SLC39A14: variants seen among roughly 807,000 people sequenced by gnomAD.
SLC39A14 encodes metal cation symporter ZIP14.
Under a neutral mutation model 45.5 loss-of-function variants are expected in SLC39A14, and 19 were observed. The ratio of observed to expected loss-of-function variants is 0.42; its 90% confidence interval spans 0.29 to 0.61. SLC39A14 has a LOEUF of 0.61. SLC39A14 is among the 20% of genes least tolerant of loss of function. SLC39A14 has a pLI of 0.22. For missense variants in SLC39A14, 447 were observed against 616.5 expected (o/e 0.73, Z 2.91); for synonymous variants, 264 against 251.3 (o/e 1.05, Z -0.48).
intron 1 of SLC39A14, among the ~76,000 whole-genome samples, chr8:22,401,537 C>A (rs1834853238): frequency 8.0e-6 from 1 of 125,442 alleles, no homozygotes; most frequent in Non-Finnish European, 1.6e-5. Flanking sequence ...TCTTTCTCTT[C>A]TCTTTCTTTT....
chr8:22,414,949 C>T, intron 5 of SLC39A14, 47 bp downstream of exon 5: 1 of 1,597,274 alleles, frequency 6.3e-7, no homozygotes. Flanking sequence ...GGAAAACACC[C>T]ATCTCAAACA....
intron 8 of SLC39A14, among the ~76,000 whole-genome samples, chr8:22,429,160 T>C (rs1291610200): frequency 2.0e-5 from 3 of 152,066 alleles, no homozygotes; most frequent in African/African-American, 7.2e-5. Context: ...TGGTCCCAGC[T>C]ACTCGGGAGG....
chr8:22,430,883 G>C (rs749618785), intron 8 of SLC39A14, among the ~76,000 whole-genome samples: 1 of 152,062 alleles, frequency 6.6e-6, no homozygotes, highest in African/African-American at 2.4e-5. Context: ...ATGTTGGCCA[G>C]GCTGGTCTTT....
At position 22,375,594 on chromosome 8, in the gene SLC39A14, TC is replaced by T. The variant is rs531382423; in HGVS notation, c.-16+8188del. On this transcript the variant is annotated intron_variant, in intron 1 of 8. Coordinates refer to ENST00000381237, the MANE Select transcript of SLC39A14 (RefSeq NM_001128431.4). Reference sequence around the variant, plus strand: ...TCCGCCTCCCAGGTTCAAGCAATTCTCCTGCCTCAGCGCCCCCTAATAATAG... The same window carrying T: ...TCCGCCTCCCAGGTTCAAGCAATTCTCTGCCTCAGCGCCCCCTAATAATAG... Among the ~76,000 whole-genome samples the T allele has an allele frequency of 7.8e-4, 118 of 152,234 alleles. 1 individual carries two copies. The highest frequency in any genetic ancestry group is 1.4e-3 in the Non-Finnish European group (96 of 68,016).
intron 1 of SLC39A14, among the ~76,000 whole-genome samples, chr8:22,399,400 A>G (rs1834719182): frequency 6.6e-6 from 1 of 152,244 alleles, no homozygotes; most frequent in Admixed American, 6.5e-5. Flanking sequence ...CATGCCTGCC[A>G]AAAGGCCGGG....
chr8:22,383,490 A>G (rs1376154168), intron 1 of SLC39A14, among the ~76,000 whole-genome samples: 2 of 152,098 alleles, frequency 1.3e-5, no homozygotes, highest in Non-Finnish European at 2.9e-5. Flanking sequence ...TTATCTTGTT[A>G]TTTGAAAGAG....
chr8:22,415,694 T>G, intron 5 of SLC39A14, 75 bp from the exon 6 acceptor site: 1 of 1,422,396 alleles, frequency 7.0e-7, no homozygotes, highest in East Asian at 2.3e-5. Flanking sequence ...GTGAAGCACT[T>G]CCTTGGAGCA....
chr8:22,402,741 C>A (rs1398300978), intron 1 of SLC39A14, among the ~76,000 whole-genome samples: 2 of 147,874 alleles, frequency 1.4e-5, no homozygotes, highest in African/African-American at 5.0e-5. Context: ...TGCACTCCAG[C>A]CTGGGCAATA....
At chr8:22,415,692 C>G in intron 5 of SLC39A14, 77 bp from the exon 6 acceptor site, 1 of 1,409,472 alleles carries the variant, frequency 7.1e-7, no homozygotes. Flanking sequence ...GTGTGAAGCA[C>G]TTCCTTGGAG....
Position 22,419,869 on chromosome 8 carries a change from G to A in SLC39A14, c.*171G>A. On this transcript the variant is annotated 3_prime_UTR_variant, in exon 9 of 9. Coordinates refer to ENST00000381237, the MANE Select transcript of SLC39A14 (RefSeq NM_001128431.4). ...CCGTTTGTAAAATGCTGTATCCTAG[G>A]AATAAGCTGCCCTGGTAACCAGTCT... The A allele has an allele frequency of 7.5e-7, 1 of 1,327,522 alleles. No homozygotes were observed. The highest frequency in any genetic ancestry group is 9.6e-7 in the Non-Finnish European group (1 of 1,041,812). The allele number at this position is 1,327,522 out of a possible 1,614,324, so 82.2% of individuals were successfully genotyped here.
rs189098278 is a variant in SLC39A14 at position 22,411,926 on chromosome 8, G to A, written c.458-111G>A. ...TAATATCCACCAAACTTTTCCTTGC[G>A]ACCTCCCTATCTGCTCCACCTTCCT... On this transcript the variant is annotated intron_variant, in intron 3 of 8. Transcript: ENST00000381237. The A allele has an allele frequency of 9.7e-5, 93 of 960,118 alleles. No individual in the cohort carries two copies. In the African/African-American group the frequency reaches 1.3e-3, roughly 13 times the overall value. 59.5% of individuals were successfully genotyped at this position (960,118 alleles called of 1,614,324 possible).
At chr8:22,406,138 G>T (rs1324177868) in intron 2 of SLC39A14, among the ~76,000 whole-genome samples, 1 of 152,220 alleles carries the variant, frequency 6.6e-6, no homozygotes, top group Non-Finnish European at 1.5e-5. Context: ...TGAAAGATGA[G>T]TGCAGTGTGG....
chr8:22,370,927 T>G (rs971841720), intron 1 of SLC39A14, among the ~76,000 whole-genome samples: 2 of 152,050 alleles, frequency 1.3e-5, no homozygotes, highest in Non-Finnish European at 2.9e-5. Context: ...GTCCGCCCCA[T>G]CGACTGTCGC....
chr8:22,430,915 C>T (rs185105490), intron 8 of SLC39A14, among the ~76,000 whole-genome samples: 93 of 152,056 alleles, frequency 6.1e-4, no homozygotes, highest in South Asian at 1.2e-3. Context: ...TCAAGTAATC[C>T]GCCCATCTCG....
Position 22,417,667 on chromosome 8 carries a change from G to A in SLC39A14, c.1164G>A (p.Leu388=). ...FPHELGDFVI[L]LNAGMSIQQA... ...CTGCTGTAGGAGACTTTGTCATCCTGCTCAACGCTGGGATGAGCATCCAAC... is the reference window on the plus strand; with the variant it reads ...CTGCTGTAGGAGACTTTGTCATCCTACTCAACGCTGGGATGAGCATCCAAC... Residue 388 remains leucine, a synonymous_variant, in exon 8 of 9, where the codon CTG becomes CTA. Coordinates refer to ENST00000381237, the MANE Select transcript of SLC39A14 (RefSeq NM_001128431.4). 1 of 1,613,668 alleles carries A rather than the reference G, an allele frequency of 6.2e-7. No individual in the cohort carries two copies. Among genetic ancestry groups the A allele is most frequent in the Non-Finnish European group, 8.5e-7 (1 of 1,179,794 alleles).
rs748911091 is a variant in SLC39A14 at position 22,415,969 on chromosome 8, A to G, written c.939+12A>G. ...CGCTCTCTGTGCAGGTCAGTGGGCCACCAGCTGCTTGGTGGAGCCTCTAAG... is the reference window on the plus strand; with the variant it reads ...CGCTCTCTGTGCAGGTCAGTGGGCCGCCAGCTGCTTGGTGGAGCCTCTAAG... On this transcript the variant is annotated intron_variant, in intron 6 of 8. Coordinates refer to ENST00000381237, the MANE Select transcript of SLC39A14 (RefSeq NM_001128431.4). The G allele has an allele frequency of 8.1e-6, 13 of 1,600,262 alleles. No homozygotes were observed. The Admixed American group carries it at 2.2e-4, about 27-fold the overall frequency.
chr8:22,428,931 T>C (rs1378280119), intron 8 of SLC39A14, among the ~76,000 whole-genome samples: 1 of 152,170 alleles, frequency 6.6e-6, no homozygotes, highest in Non-Finnish European at 1.5e-5. Context: ...TAAGAACCAA[T>C]GCAAACTTAC....
intron 4 of SLC39A14, among the ~76,000 whole-genome samples, chr8:22,413,509 C>T (rs1358800411): frequency 2.0e-5 from 3 of 152,088 alleles, no homozygotes; most frequent in South Asian, 2.1e-4. Flanking sequence ...CAAGATGATT[C>T]GACTCCCCTG....
intron 1 of SLC39A14, among the ~76,000 whole-genome samples, chr8:22,385,260 T>C (rs1490054211): frequency 6.6e-6 from 1 of 151,922 alleles, no homozygotes. Context: ...AAAAGTGAAA[T>C]GTGTGGCGCC....
Sources: gnomAD v4.1 joint callset for allele counts (sites outside exome capture counted in the v4.1 genomes callset) on GRCh38, gnomAD v4.1.1 for gene constraint, MANE v1.5 for transcripts, NCBI Gene and HGNC (gene_info 2026-07-23, HGNC 2026-07-21) for gene names.